The following SEMA6D variants were observed in gnomAD, a reference collection of about 807,000 sequenced individuals.
SEMA6D encodes the protein semaphorin 6D.
In SEMA6D, 35 loss-of-function variants were observed where a neutral mutation model predicts 106.6. The ratio of observed to expected loss-of-function variants is 0.33; its 90% CI spans 0.25 to 0.44. The LOEUF (loss-of-function observed/expected upper bound fraction) is 0.44, where lower values mean the gene tolerates loss of function less well. Among genes scored for constraint, SEMA6D ranks in the 20% least tolerant of loss-of-function variants. SEMA6D has a pLI of 1.00. For missense variants in SEMA6D, 1,185 were observed against 1,345.9 expected (o/e 0.88, Z 1.87); for synonymous variants, 499 against 487.7 (o/e 1.02, Z -0.31).
intron 3 of SEMA6D, among the ~76,000 whole-genome samples, chr15:47,586,338 G>A (rs2076339339): frequency 1.3e-5 from 2 of 152,182 alleles, no homozygotes; most frequent in African/African-American, 4.8e-5. Context: ...TAATTTAGAA[G>A]ATACATCAAG....
chr15:47,330,492 T>C (rs1466686157), intron 1 of SEMA6D, among the ~76,000 whole-genome samples: 1 of 152,150 alleles, frequency 6.6e-6, no homozygotes, highest in Non-Finnish European at 1.5e-5. Context: ...TTCCATATTT[T>C]CCATGTTCTA....
At chr15:47,552,417 A>G (rs1341405632) in intron 3 of SEMA6D, among the ~76,000 whole-genome samples, 1 of 151,610 alleles carries the variant, frequency 6.6e-6, no homozygotes, top group Non-Finnish European at 1.5e-5. Context: ...CTTTTTAGCA[A>G]TAAAAAGGAA....
At chr15:47,493,539 G>A (rs1048902155) in intron 3 of SEMA6D, among the ~76,000 whole-genome samples, 2 of 152,098 alleles carry the variant, frequency 1.3e-5, no homozygotes, top group East Asian at 1.9e-4. Context: ...CACCCTTGAC[G>A]GAGAATCAGT....
chr15:47,605,344 A>G (rs1218707222), intron 4 of SEMA6D: 1 of 152,194 alleles, frequency 6.6e-6, no homozygotes, highest in South Asian at 2.1e-4. Context: ...TTCTTCCACA[A>G]TGAGTGATCT....
At chr15:47,449,599 G>GA (rs377409950) in intron 2 of SEMA6D, among the ~76,000 whole-genome samples, 6 of 151,154 alleles carry the variant, frequency 4.0e-5, no homozygotes, top group East Asian at 1.9e-4. Flanking sequence ...TTATTTATGA[G>GA]AAAAAAAAAG....
At chr15:47,740,765 C>T (rs1474088361) in intron 1 of SEMA6D, among the ~76,000 whole-genome samples, 1 of 152,108 alleles carries the variant, frequency 6.6e-6, no homozygotes, top group Non-Finnish European at 1.5e-5. Flanking sequence ...TTTCCCTGAC[C>T]TTGGGGTAGG....
chr15:47,314,618 A>AAG (rs2036576256), intron 1 of SEMA6D, among the ~76,000 whole-genome samples: 2 of 143,126 alleles, frequency 1.4e-5, no homozygotes, highest in Non-Finnish European at 3.1e-5. Context: ...AAAAAAAAAA[A>AAG]GAATTCTTTG....
rs553615403 is a variant in SEMA6D at position 47,237,810 on chromosome 15, A to T, written c.-239+53392A>T. 3.6e-3 allele frequency among the ~76,000 whole-genome samples: 543 copies of T among 152,178 alleles called. 5 individuals are homozygous for T. The highest frequency in any genetic ancestry group is 6.1e-3 in the Non-Finnish European group (418 of 67,986). ...TTGAGGGAAGATTCTGAGGCCCTGGAGGTCTGTTTCTGGAAGACTGCTCTT... is the reference window on the plus strand; with the variant it reads ...TTGAGGGAAGATTCTGAGGCCCTGGTGGTCTGTTTCTGGAAGACTGCTCTT... On this transcript the variant is annotated intron_variant, in intron 1 of 19. Coordinates refer to the SEMA6D transcript ENST00000558014.
chr15:47,192,626 G>A (rs1355040147), intron 1 of SEMA6D, among the ~76,000 whole-genome samples: 1 of 151,984 alleles, frequency 6.6e-6, no homozygotes, highest in Non-Finnish European at 1.5e-5. Context: ...GAATGATATA[G>A]TGTAAAAAGA....
chr15:47,313,591 GTCTC>G (rs2036527169), intron 1 of SEMA6D, among the ~76,000 whole-genome samples: 1 of 152,156 alleles, frequency 6.6e-6, no homozygotes, highest in Non-Finnish European at 1.5e-5. Context: ...TAAAGCCAGT[GTCTC>G]TCTCTGTTGC....
chr15:47,644,835 A>G (rs1338964820), intron 4 of SEMA6D, among the ~76,000 whole-genome samples: 3 of 152,190 alleles, frequency 2.0e-5, no homozygotes, highest in Non-Finnish European at 4.4e-5. Context: ...GGTCTTAGAG[A>G]TAACTGAAGT....
At chr15:47,757,081 G>T (rs1327650204) in intron 1 of SEMA6D, among the ~76,000 whole-genome samples, 1 of 152,116 alleles carries the variant, frequency 6.6e-6, no homozygotes, top group Non-Finnish European at 1.5e-5. Flanking sequence ...GTGCTTGCTA[G>T]TGAGTCAGCA....
chr15:47,593,631 T>C (rs2076482774), intron 3 of SEMA6D, among the ~76,000 whole-genome samples: 1 of 152,074 alleles, frequency 6.6e-6, no homozygotes, highest in African/African-American at 2.4e-5. Flanking sequence ...TTAGTCTGTT[T>C]TTTCATTGCT....
In SEMA6D at chr15:47,766,616, T is replaced by C. The variant is rs1249885406; in HGVS notation, c.1647T>C (p.Leu549=). The C allele has an allele frequency of 1.2e-6, 2 of 1,612,918 alleles. No homozygotes were observed. The highest frequency in any genetic ancestry group is 4.5e-5 in the East Asian group (2 of 44,806). ...GSCGRVTPGM[L]AEGYEQDTEF... Reference sequence around the variant, plus strand: ...ACTTCTTTGCTTTCCATAACCACAGTGCTGAAGGATATGAACAAGACACAG... The same window carrying C: ...ACTTCTTTGCTTTCCATAACCACAGCGCTGAAGGATATGAACAAGACACAG... Residue 549 remains leucine, a splice_region_variant and synonymous_variant, in exon 16 of 19, where the codon CTT becomes CTC. Transcript: ENST00000536845.
chr15:47,492,279 A>G (rs1156857890), intron 3 of SEMA6D, among the ~76,000 whole-genome samples: 1 of 152,198 alleles, frequency 6.6e-6, no homozygotes, highest in Admixed American at 6.5e-5. Context: ...GAGAAAAAGA[A>G]CAGAGATGTT....
At chr15:47,417,321 C>T (rs1421850465) in intron 2 of SEMA6D, among the ~76,000 whole-genome samples, 1 of 151,958 alleles carries the variant, frequency 6.6e-6, no homozygotes, top group African/African-American at 2.4e-5. Context: ...ATTTCATCCT[C>T]ATATCAGGCA....
chr15:47,228,163 C>CACACACACACACACACACACATAT (rs374770930), intron 1 of SEMA6D, among the ~76,000 whole-genome samples: 1 of 136,810 alleles, frequency 7.3e-6, no homozygotes, highest in Admixed American at 7.6e-5. Context: ...CACACACACA[C>CACACACACACACACACACACATAT]ATATATATAT....
chr15:47,396,342 T>C (rs1335338710), intron 1 of SEMA6D: 2 of 151,952 alleles, frequency 1.3e-5, no homozygotes, highest in East Asian at 3.9e-4. Context: ...ATTAGGAGAA[T>C]TGACTCACAT....
intron 4 of SEMA6D, among the ~76,000 whole-genome samples, chr15:47,693,939 C>T (rs2078645418): frequency 6.6e-6 from 1 of 152,066 alleles, no homozygotes; most frequent in Admixed American, 6.6e-5. Context: ...AAGATCCTTA[C>T]TCTGGAAAAA....
Sources: allele counts gnomAD v4.1 joint callset (sites outside exome capture counted in the v4.1 genomes callset), GRCh38; gene constraint gnomAD v4.1.1; transcripts MANE v1.5; gene names NCBI Gene and HGNC (gene_info 2026-07-23, HGNC 2026-07-21).